STX8: variants seen among roughly 807,000 people sequenced by gnomAD.
STX8 encodes the protein syntaxin-8.
In STX8, 23 loss-of-function variants were observed where a neutral mutation model predicts 37.5. The observed-to-expected ratio is 0.61, with a 90% CI of 0.44 to 0.87. STX8 has a LOEUF of 0.87. Among genes scored for constraint, STX8 ranks in the 40% least tolerant of loss-of-function variants. The probability of loss-of-function intolerance (pLI) is 0.00; values close to 1 mark genes in which losing one functional copy is unlikely to be tolerated. For synonymous variants in STX8, 115 were observed against 99.1 expected, an observed-to-expected ratio of 1.16 and a Z score of -0.95; for missense variants, 313 against 284.7, an observed-to-expected ratio of 1.10 and a Z score of -0.71.
intron 7 of STX8, among the ~76,000 whole-genome samples, chr17:9,320,985 G>A (rs1248228695): frequency 6.6e-6 from 1 of 151,680 alleles, no homozygotes; most frequent in Non-Finnish European, 1.5e-5. Context: ...AAATTGGAGT[G>A]CAAACGTTAT....
chr17:9,530,295 A>C (rs1323312608), intron 4 of STX8, among the ~76,000 whole-genome samples: 1 of 131,240 alleles, frequency 7.6e-6, no homozygotes, highest in Non-Finnish European at 1.6e-5. Context: ...TGGGAGACAG[A>C]GTGAGACTCC....
At chr17:9,355,799 C>A (rs1321000283) in intron 7 of STX8, among the ~76,000 whole-genome samples, 1 of 152,112 alleles carries the variant, frequency 6.6e-6, no homozygotes, top group Non-Finnish European at 1.5e-5. Context: ...TGAGCCACTG[C>A]ACCCGGCCAC....
At chr17:9,313,852 G>T (rs932335510) in intron 7 of STX8, among the ~76,000 whole-genome samples, 1 of 152,096 alleles carries the variant, frequency 6.6e-6, no homozygotes, top group Non-Finnish European at 1.5e-5. Context: ...GGATGGTCTC[G>T]ATCTCCTGAC....
chr17:9,380,618 C>T (rs779354245), intron 6 of STX8, among the ~76,000 whole-genome samples: 1 of 151,206 alleles, frequency 6.6e-6, no homozygotes, highest in Non-Finnish European at 1.5e-5. Flanking sequence ...TGACCGACCA[C>T]ATCTACGACA....
intron 7 of STX8, among the ~76,000 whole-genome samples, chr17:9,305,113 A>G (rs888850926): frequency 1.3e-5 from 2 of 151,908 alleles, no homozygotes; most frequent in African/African-American, 2.4e-5. Flanking sequence ...TTATTTTTTG[A>G]GATGGAGTCT....
intron 4 of STX8, among the ~76,000 whole-genome samples, chr17:9,520,368 C>A (rs944649199): frequency 6.6e-6 from 1 of 152,144 alleles, no homozygotes; most frequent in African/African-American, 2.4e-5. Flanking sequence ...TGTAGCTCAG[C>A]CTCACTTTTG....
chr17:9,528,960 T>G (rs1256586152), intron 4 of STX8, among the ~76,000 whole-genome samples: 2 of 151,350 alleles, frequency 1.3e-5, no homozygotes, highest in Non-Finnish European at 2.9e-5. Flanking sequence ...ATAAATGAAG[T>G]GGGGATCGGG....
At chr17:9,445,255 A>T (rs1361109841) in intron 6 of STX8, among the ~76,000 whole-genome samples, 1 of 152,042 alleles carries the variant, frequency 6.6e-6, no homozygotes, top group African/African-American at 2.4e-5. Flanking sequence ...CACTCCAATG[A>T]AATGCCAAAA....
intron 6 of STX8, chr17:9,461,370 T>C (rs1170636753): frequency 6.6e-6 from 1 of 152,004 alleles, no homozygotes; most frequent in Non-Finnish European, 1.5e-5. Flanking sequence ...TTTCCAAGGG[T>C]GCACACCCTC....
At chr17:9,339,835 T>C (rs1910279979) in intron 7 of STX8, among the ~76,000 whole-genome samples, 1 of 152,190 alleles carries the variant, frequency 6.6e-6, no homozygotes, top group Non-Finnish European at 1.5e-5. Context: ...GAAAGAGACA[T>C]TATGTATCTT....
At chr17:9,300,348 AG>A (rs66479228) in intron 7 of STX8, among the ~76,000 whole-genome samples, 161 of 138,480 alleles carry the variant, frequency 1.2e-3, no homozygotes, top group Non-Finnish European at 2.0e-3. Context: ...AAAAAAAAAA[AG>A]AAAGAAAGAA....
At chr17:9,401,997 C>T (rs1329696703) in intron 6 of STX8, among the ~76,000 whole-genome samples, 1 of 152,134 alleles carries the variant, frequency 6.6e-6, no homozygotes, top group Non-Finnish European at 1.5e-5. Context: ...CCAGCAATTT[C>T]CAGAGGCAGG....
intron 6 of STX8, among the ~76,000 whole-genome samples, chr17:9,419,144 C>T (rs1021221419): frequency 6.6e-6 from 1 of 151,854 alleles, no homozygotes; most frequent in African/African-American, 2.4e-5. Flanking sequence ...TCAGGCTGGT[C>T]CAGAACTCTT....
At chr17:9,535,859 A>C (rs73975722) in intron 4 of STX8, among the ~76,000 whole-genome samples, 1,642 of 152,360 alleles carry the variant, frequency 0.011, 27 homozygotes, top group African/African-American at 0.037. Context: ...GCCTAGTTAA[A>C]TGACAGTAAA....
intron 4 of STX8, among the ~76,000 whole-genome samples, chr17:9,519,129 T>C (rs1025803431): frequency 3.3e-5 from 5 of 152,120 alleles, no homozygotes; most frequent in African/African-American, 7.2e-5. Context: ...CCTTACCTGA[T>C]TGAAAATCAC....
intron 5 of STX8, among the ~76,000 whole-genome samples, chr17:9,502,237 T>C (rs958787243): frequency 3.7e-4 from 56 of 152,114 alleles, no homozygotes; most frequent in African/African-American, 1.3e-3. Flanking sequence ...ATCTCATTTA[T>C]ATGCAGAATC....
Position 9,575,795 on chromosome 17 carries a change from G to A in STX8, c.14C>T (p.Pro5Leu), listed in dbSNP as rs183889024. ...GCCGCCCTCACCCGGGACTCACCAG[G>A]GGTCCGGTGCCATCCTGCAGACTCC... Reference protein sequence around the residue: MAPDPWFSTYDSTCQ... With the variant: MAPDLWFSTYDSTCQ... The change falls in exon 1 of 8, where the codon CCC (proline) becomes CTC (leucine). Residue 5 changes from proline (P) to leucine (L), a missense_variant. By Grantham distance (98) the Pro-to-Leu change is moderately conservative (BLOSUM62 -3). Coordinates refer to ENST00000306357, the MANE Select transcript of STX8 (RefSeq NM_004853.3). 8,355 of 1,543,722 alleles carry A rather than the reference G, an allele frequency of 5.4e-3. 35 individuals carry two copies. Among genetic ancestry groups the A allele is most frequent in the South Asian group, 6.8e-3 (569 of 83,974 alleles).
At chr17:9,349,572 T>C (rs1395182951) in intron 7 of STX8, among the ~76,000 whole-genome samples, 4 of 152,194 alleles carry the variant, frequency 2.6e-5, no homozygotes, top group South Asian at 2.1e-4. Context: ...TCCACCCGCC[T>C]TGGCCTCCCA....
rs929888251 is a variant in STX8, at chr17:9,301,778, G to C, written c.644-51133C>G. 3.3e-5 allele frequency among the ~76,000 whole-genome samples: 5 copies of C among 151,960 alleles called. No individual in the cohort carries two copies. The East Asian group carries it at 9.6e-4, about 29-fold the overall frequency. Reference sequence around the variant, plus strand: ...TGTTGGGATTACAGGCATGAGCCACGGCGCCCGGCCAGTGCTTTACTTTTT... The same window carrying C: ...TGTTGGGATTACAGGCATGAGCCACCGCGCCCGGCCAGTGCTTTACTTTTT... On this transcript the variant is annotated intron_variant, in intron 7 of 7. Transcript: ENST00000306357.
Sources: allele counts gnomAD v4.1 joint callset (sites outside exome capture counted in the v4.1 genomes callset), GRCh38; gene constraint gnomAD v4.1.1; transcripts MANE v1.5; gene names NCBI Gene and HGNC (gene_info 2026-07-23, HGNC 2026-07-21).